ADARB2: variants seen among roughly 807,000 people sequenced by gnomAD.
The protein encoded by ADARB2 is adenosine deaminase RNA specific B2 (inactive).
Under a neutral mutation model 62.2 loss-of-function variants are expected in ADARB2, and 25 were observed. That is an observed-to-expected ratio of 0.40 (90% CI 0.29 to 0.56). The LOEUF (loss-of-function observed/expected upper bound fraction) is 0.56, where lower values mean the gene tolerates loss of function less well. ADARB2 is among the 20% of genes least tolerant of loss of function. The pLI is 0.43. For synonymous variants in ADARB2, 572 were observed against 500.8 expected (o/e 1.14, Z -1.90); for missense variants, 1,071 against 1,077.4 (o/e 0.99, Z 0.08).
intron 8 of ADARB2, 97 bp downstream of exon 8, chr10:1,199,869 A>G: frequency 2.3e-6 from 3 of 1,298,898 alleles, no homozygotes; most frequent in Non-Finnish European, 3.1e-6. Flanking sequence ...ACTAGCCAAC[A>G]TGGATGAAGT....
At position 1,388,825 on chromosome 10, in the gene ADARB2, A is replaced by G. The variant is rs376089114; in HGVS notation, c.101-9665T>C. Among the ~76,000 whole-genome samples the G allele has an allele frequency of 3.0e-4, 45 of 152,328 alleles. 1 individual carries two copies. In the South Asian group the frequency reaches 9.1e-3, roughly 31 times the overall value. ...TTTCTATAGATATGATTCGATCTCA[A>G]TCAGTACTCTTGTTGAAATTGAAAG... On this transcript the variant is annotated intron_variant, in intron 1 of 9. Coordinates refer to ENST00000381312, the MANE Select transcript of ADARB2 (RefSeq NM_018702.4).
chr10:1,364,046 A>G (rs1320127726), intron 2 of ADARB2, 129 bp from the exon 3 acceptor site: 8 of 1,275,214 alleles, frequency 6.3e-6, no homozygotes, highest in Non-Finnish European at 8.1e-6. Context: ...GGCCTGAGAA[A>G]TGACTGTGGC....
chr10:1,512,472 T>C (rs1414499173), intron 1 of ADARB2, among the ~76,000 whole-genome samples: 1 of 152,228 alleles, frequency 6.6e-6, no homozygotes, highest in African/African-American at 2.4e-5. Flanking sequence ...AAGATGGGTG[T>C]TTCACGTTGG....
intron 1 of ADARB2, among the ~76,000 whole-genome samples, chr10:1,731,601 C>T (rs946029249): frequency 1.3e-5 from 2 of 152,134 alleles, no homozygotes; most frequent in African/African-American, 4.8e-5. Flanking sequence ...AATAAACAAT[C>T]GCCTTTGAAA....
chr10:1,258,798 C>G (rs189986434), intron 4 of ADARB2, among the ~76,000 whole-genome samples: 3 of 152,284 alleles, frequency 2.0e-5, no homozygotes, highest in African/African-American at 4.8e-5. Flanking sequence ...ACCAAGCAGA[C>G]CTAATAGACA....
chr10:1,293,213 AGGGAGAGAGGGACGG>A (rs1831490480), intron 3 of ADARB2, among the ~76,000 whole-genome samples: 1 of 84,208 alleles, frequency 1.2e-5, no homozygotes, highest in Non-Finnish European at 2.5e-5. Flanking sequence ...AGAGGGAGGG[AGGGAGAGAGGGACGG>A]GGAGGGAGAG....
chr10:1,547,481 C>A (rs1170885628), intron 1 of ADARB2, among the ~76,000 whole-genome samples: 2 of 22,698 alleles, frequency 8.8e-5, no homozygotes, highest in Admixed American at 7.1e-4. Context: ...GCTGCACTGG[C>A]GTATGCACTG....
intron 1 of ADARB2, among the ~76,000 whole-genome samples, chr10:1,414,171 G>T (rs1222727850): frequency 6.6e-6 from 1 of 152,202 alleles, no homozygotes; most frequent in East Asian, 1.9e-4. Context: ...CCCAACCCAG[G>T]CTTCGTTTCC....
At chr10:1,525,657 A>G (rs1356479115) in intron 1 of ADARB2, among the ~76,000 whole-genome samples, 1 of 152,170 alleles carries the variant, frequency 6.6e-6, no homozygotes, top group Admixed American at 6.5e-5. Flanking sequence ...GCCTGGGAAG[A>G]CAGGGTGGCT....
chr10:1,467,385 G>A (rs1831266741), intron 1 of ADARB2, among the ~76,000 whole-genome samples: 1 of 152,136 alleles, frequency 6.6e-6, no homozygotes, highest in Non-Finnish European at 1.5e-5. Context: ...CCACTGCACG[G>A]CTTCATGCGA....
At chr10:1,499,065 A>G (rs1385989426) in intron 1 of ADARB2, among the ~76,000 whole-genome samples, 2 of 147,492 alleles carry the variant, frequency 1.4e-5, no homozygotes, top group African/African-American at 4.9e-5. Context: ...TTCACTCATT[A>G]CTCTTCATTA....
chr10:1,220,367 ATGATGG>A (rs1258290205), intron 6 of ADARB2, among the ~76,000 whole-genome samples: 178 of 130,104 alleles, frequency 1.4e-3, no homozygotes, highest in African/African-American at 4.7e-3. Flanking sequence ...GATGGTGATG[ATGATGG>A]TGATGGTGGT....
chr10:1,277,962 TCTCTCTCTTTC>T (rs1192505397), intron 3 of ADARB2, among the ~76,000 whole-genome samples: 3 of 79,570 alleles, frequency 3.8e-5, no homozygotes, highest in Non-Finnish European at 3.4e-5. Context: ...CCCCTCTTTC[TCTCTCTCTTTC>T]TTTTTTTCCT....
intron 1 of ADARB2, among the ~76,000 whole-genome samples, chr10:1,689,835 T>C (rs915188567): frequency 3.3e-5 from 5 of 152,254 alleles, no homozygotes; most frequent in African/African-American, 1.2e-4. Context: ...ATTTTGATGA[T>C]GTTAGATTGC....
At chr10:1,295,350 G>T (rs989515298) in intron 3 of ADARB2, among the ~76,000 whole-genome samples, 1 of 152,282 alleles carries the variant, frequency 6.6e-6, no homozygotes, top group African/African-American at 2.4e-5. Flanking sequence ...ATATGCTGGG[G>T]TTACAGGTAT....
At chr10:1,607,761 C>T (rs74108955) in intron 1 of ADARB2, among the ~76,000 whole-genome samples, 30,535 of 152,224 alleles carry the variant, frequency 0.2, 3,181 homozygotes, top group Non-Finnish European at 0.23. Context: ...GGCATCCGCC[C>T]AGTGCCTCTG....
At position 1,251,006 on chromosome 10, in the gene ADARB2, A is replaced by C. The variant is rs1039651521; in HGVS notation, c.1193-8707T>G. The stretch of plus-strand genomic sequence containing the variant: ...CACTGAGGCAAAGAGAGACTATCCA[A>C]TTAATGGTATCTAACAACTGCATAG... On this transcript the variant is annotated intron_variant, in intron 4 of 9. Coordinates refer to ENST00000381312, the MANE Select transcript of ADARB2 (RefSeq NM_018702.4). Among the ~76,000 whole-genome samples, 12 of 152,370 alleles carry C rather than the reference A, an allele frequency of 7.9e-5. No homozygotes were observed. In the East Asian group the frequency reaches 1.3e-3, roughly 17 times the overall value.
At chr10:1,689,302 G>C (rs1834637888) in intron 1 of ADARB2, among the ~76,000 whole-genome samples, 1 of 152,168 alleles carries the variant, frequency 6.6e-6, no homozygotes, top group Non-Finnish European at 1.5e-5. Flanking sequence ...CAGGAAGATT[G>C]TAGGTGAGTT....
chr10:1,346,836 A>G (rs1011945077), intron 3 of ADARB2, among the ~76,000 whole-genome samples: 1 of 152,234 alleles, frequency 6.6e-6, no homozygotes, highest in Non-Finnish European at 1.5e-5. Context: ...GCTAGAATTT[A>G]ATGGAAAATA....
Sources: allele counts gnomAD v4.1 joint callset (sites outside exome capture counted in the v4.1 genomes callset), GRCh38; gene constraint gnomAD v4.1.1; transcripts MANE v1.5; gene names NCBI Gene and HGNC (gene_info 2026-07-23, HGNC 2026-07-21).